CSTF2: variants seen among roughly 807,000 people sequenced by gnomAD.
The protein encoded by CSTF2 is CF-1 64 kDa subunit.
A neutral mutation model predicts 45.4 loss-of-function variants in CSTF2; 8 were observed. That is an observed-to-expected ratio of 0.18 (90% confidence interval 0.10 to 0.32). CSTF2 has a LOEUF of 0.32. CSTF2 is among the 10% of genes least tolerant of loss of function. The pLI is 1.00. For missense variants in CSTF2, 253 were observed against 477.1 expected (o/e 0.53, Z 4.38); for synonymous variants, 155 against 158.9 (o/e 0.98, Z 0.18).
chrX:100,838,097 A>G (rs1292252230), intron 12 of CSTF2, 142 bp from the exon 13 acceptor site: 4 of 536,041 alleles, frequency 7.5e-6, no homozygotes, highest in Non-Finnish European at 1.1e-5. Context: ...TCTGTGTGAA[A>G]TGTTCTTCCT....
intron 1 of CSTF2, 46 bp downstream of exon 1, chrX:100,820,520 C>A: frequency 1.8e-6 from 2 of 1,117,109 alleles, no homozygotes; most frequent in Non-Finnish European, 2.5e-6. Context: ...GGACTCCCCT[C>A]TGCACCTTCT....
At chrX:100,820,606 C>T (rs1327842409) in intron 1 of CSTF2, 132 bp downstream of exon 1, 5 of 655,042 alleles carry the variant, frequency 7.6e-6, no homozygotes, top group African/African-American at 2.1e-5. Flanking sequence ...GGGCGTCCAA[C>T]CTGGTGGACT....
intron 6 of CSTF2, 53 bp downstream of exon 6, chrX:100,824,310 C>G (rs897718163): frequency 8.9e-5 from 96 of 1,073,033 alleles, no homozygotes; most frequent in Middle Eastern, 5.1e-4. Flanking sequence ...ATGTCATTTT[C>G]TTTTTAGGAG....
In CSTF2 at chrX:100,823,174, C is replaced by T. The variant is rs781113873; in HGVS notation, c.308-118C>T. ...GGCTTTCACATCATTTATTTCTCAG[C>T]TCTGGAGAATCTAAAATTATCAGCT... On this transcript the variant is annotated intron_variant, in intron 3 of 13. Coordinates refer to ENST00000372972, the MANE Select transcript of CSTF2 (RefSeq NM_001325.3). The T allele has an allele frequency of 3.7e-6, 3 of 815,609 alleles. No individual in the cohort carries two copies. In the East Asian group the frequency reaches 9.9e-5, roughly 27 times the overall value. 67.2% of individuals were successfully genotyped at this position (815,609 alleles called of 1,213,427 possible). A position where few individuals can be genotyped will look rare whatever the true frequency, so the allele number is the denominator to read the frequency against.
intron 9 of CSTF2, among the ~76,000 whole-genome samples, chrX:100,832,378 C>T (rs2084980931): frequency 8.9e-6 from 1 of 111,961 alleles, no homozygotes; most frequent in African/African-American, 3.2e-5. Flanking sequence ...ACACGTGAAA[C>T]TGATGTGTGG....
chrX:100,824,029 G>A, intron 5 of CSTF2, 24 bp downstream of exon 5: 4 of 1,210,139 alleles, frequency 3.3e-6, no homozygotes, highest in Non-Finnish European at 4.5e-6. Context: ...GTTCTTTTAT[G>A]GAAATGGTCG....
At position 100,821,539 on chromosome X, in the gene CSTF2, C is replaced by T; in HGVS notation, c.71C>T (p.Pro24Leu). Residue 24 changes from proline (P) to leucine (L), a missense_variant, in exon 2 of 14, where the codon CCT (proline) becomes CTT (leucine). Pro to Leu is a moderately conservative substitution (Grantham distance 98, BLOSUM62 -3). Around this residue, in one of 3 missense-constraint regions of CSTF2, gnomAD observed 45 missense variants for 147.5 expected, o/e 0.31. Transcript: ENST00000372972. Reference sequence around the variant, plus strand: ...TTTTCTTCCTTAGTGGGGAACATTCCTTATGAAGCTACTGAAGAGCAGTTG... The same window carrying T: ...TTTTCTTCCTTAGTGGGGAACATTCTTTATGAAGCTACTGAAGAGCAGTTG... Reference protein sequence around the residue: ...SLRSVFVGNIPYEATEEQLKD... With the variant: ...SLRSVFVGNILYEATEEQLKD... 1 of 1,200,680 alleles carries T rather than the reference C, an allele frequency of 8.3e-7. No homozygotes were observed. The highest frequency in any genetic ancestry group is 1.1e-6 in the Non-Finnish European group (1 of 885,919).
rs75536457 is a variant in CSTF2 at position 100,835,439 on chromosome X, C to A, written c.1501-1900C>A. Among the ~76,000 whole-genome samples, 4 of 110,647 alleles carry A rather than the reference C, an allele frequency of 3.6e-5. No individual in the cohort carries two copies. The South Asian group carries it at 1.6e-3, about 43-fold the overall frequency. The stretch of plus-strand genomic sequence containing the variant: ...CTTGCTTCCTCTCCTATGCTTGTCT[C>A]CCCTGTGGCCCTCTAGGTCCTGTAG... On this transcript the variant is annotated intron_variant, in intron 11 of 13. Coordinates refer to ENST00000372972, the MANE Select transcript of CSTF2 (RefSeq NM_001325.3).
Position 100,823,455 on chromosome X carries a change from A to G in CSTF2, c.444+27A>G, listed in dbSNP as rs1455230159. The stretch of plus-strand genomic sequence containing the variant: ...TGGGAGGAGGCATTAGGTTATGAAT[A>G]AAGCAAATCACATCAGGTTTTCAAG... On this transcript the variant is annotated intron_variant, in intron 4 of 13. Coordinates refer to ENST00000372972, the MANE Select transcript of CSTF2 (RefSeq NM_001325.3). 6 of 1,205,007 alleles carry G rather than the reference A, an allele frequency of 5.0e-6. No homozygotes were observed. The South Asian group carries it at 7.2e-5, about 14-fold the overall frequency.
At chrX:100,820,648 G>C in intron 1 of CSTF2, 174 bp downstream of exon 1, 1 of 545,636 alleles carries the variant, frequency 1.8e-6, no homozygotes. Flanking sequence ...ATTCTGCCGA[G>C]GTCTCGTAGG....
chrX:100,837,434 A>C lies in CSTF2; in HGVS notation c.1596A>C (p.Pro532=). 1.7e-6 allele frequency: 2 copies of C among 1,199,166 alleles called. No homozygotes were observed. The highest frequency in any genetic ancestry group is 3.6e-5 in the South Asian group (2 of 56,185). Residue 532 remains proline, a synonymous_variant, in exon 12 of 14, where the codon CCA becomes CCC. Coordinates refer to ENST00000372972, the MANE Select transcript of CSTF2 (RefSeq NM_001325.3). ...GTCCCGGGCAGAACCAAGTCACTCCACAGGATCATGAGAAGGTAAGCAACA... is the reference window on the plus strand; with the variant it reads ...GTCCCGGGCAGAACCAAGTCACTCCCCAGGATCATGAGAAGGTAAGCAACA... ...GFSPGQNQVT[P]QDHEKAALIM... is the part of the protein sequence containing the mutation.
intron 11 of CSTF2, 51 bp from the exon 12 acceptor site, chrX:100,837,288 A>T: frequency 1.2e-6 from 1 of 858,829 alleles, no homozygotes; most frequent in African/African-American, 2.0e-5. Flanking sequence ...AATTCAGGTT[A>T]CCTATACATT....
chrX:100,824,530 C>T (rs1000905793), intron 6 of CSTF2, among the ~76,000 whole-genome samples: 4 of 111,762 alleles, frequency 3.6e-5, no homozygotes, highest in African/African-American at 1.3e-4. Context: ...GTTGGCACTT[C>T]GTTATTCCAT....
intron 11 of CSTF2, among the ~76,000 whole-genome samples, chrX:100,834,909 C>T (rs1264961778): frequency 1.8e-5 from 2 of 111,870 alleles, no homozygotes; most frequent in Non-Finnish European, 3.8e-5. Flanking sequence ...TAATATTTTG[C>T]TCCTTTCTCT....
At position 100,840,150 on chromosome X, in the gene CSTF2, C is replaced by G. The variant is rs2085031920; in HGVS notation, c.*4-564C>G. Among the ~76,000 whole-genome samples the G allele has an allele frequency of 2.7e-5, 3 of 111,602 alleles. No individual in the cohort carries two copies. In the South Asian group the frequency reaches 1.1e-3, roughly 42 times the overall value. Reference sequence around the variant, plus strand: ...GTGTATATGTATGTGTGGTTCTATGCAATTTTATGTGGGCAAGATTTTATT... The same window carrying G: ...GTGTATATGTATGTGTGGTTCTATGGAATTTTATGTGGGCAAGATTTTATT... On this transcript the variant is annotated intron_variant, in intron 13 of 13. Transcript: ENST00000372972.
intron 3 of CSTF2, 108 bp from the exon 4 acceptor site, chrX:100,823,184 T>C (rs186440794): frequency 1.1e-6 from 1 of 884,809 alleles, no homozygotes; most frequent in East Asian, 3.2e-5. Flanking sequence ...CTCTGGAGAA[T>C]CTAAAATTAT....
Position 100,825,740 on chromosome X carries a change from C to T in CSTF2, c.703-894C>T, listed in dbSNP as rs142637376. 1.5e-3 allele frequency among the ~76,000 whole-genome samples: 164 copies of T among 110,772 alleles called. 1 individual carries two copies. The highest frequency in any genetic ancestry group is 5.3e-3 in the African/African-American group (161 of 30,434). On this transcript the variant is annotated intron_variant, in intron 6 of 13. Coordinates refer to ENST00000372972, the MANE Select transcript of CSTF2 (RefSeq NM_001325.3). ...TGTTTATAAAACCAGGCAGTGAGCC[C>T]GATTTGGCCCATGGGTCATAGTTTG...
intron 8 of CSTF2, 24 bp downstream of exon 8, chrX:100,828,126 T>G: frequency 8.9e-7 from 1 of 1,124,974 alleles, no homozygotes; most frequent in Non-Finnish European, 1.2e-6. Flanking sequence ...AATGTCTGAC[T>G]AATGTTAATT....
chrX:100,839,911 C>G (rs1249980188), intron 13 of CSTF2, among the ~76,000 whole-genome samples: 2 of 111,566 alleles, frequency 1.8e-5, no homozygotes, highest in African/African-American at 6.5e-5. Context: ...AATTTAAGGC[C>G]TTGCATATTA....
Sources: allele counts gnomAD v4.1 joint callset (sites outside exome capture counted in the v4.1 genomes callset), GRCh38; gene constraint gnomAD v4.1.1; regional missense constraint gnomAD v4.1.1; transcripts MANE v1.5; gene names NCBI Gene and HGNC (gene_info 2026-07-23, HGNC 2026-07-21).